TPD52: variants seen among roughly 807,000 people sequenced by gnomAD.
TPD52 encodes tumor protein D52, also known as prostate and colon associated protein.
In TPD52, 17 loss-of-function variants were observed where a neutral mutation model predicts 31.3. That is an observed-to-expected ratio of 0.54 (90% confidence interval 0.37 to 0.82). The LOEUF is 0.82. TPD52 is among the 40% of genes least tolerant of loss of function. The probability of loss-of-function intolerance (pLI) is 0.00; values close to 1 mark genes in which losing one functional copy is unlikely to be tolerated. For synonymous variants in TPD52, 83 were observed against 89.6 expected, an observed-to-expected ratio of 0.93 and a Z score of 0.42; for missense variants, 212 against 240.1, an observed-to-expected ratio of 0.88 and a Z score of 0.77.
At chr8:80,120,812 G>A (rs1808211224) in intron 1 of TPD52, among the ~76,000 whole-genome samples, 1 of 152,142 alleles carries the variant, frequency 6.6e-6, no homozygotes, top group African/African-American at 2.4e-5. Context: ...GGACGGGGTG[G>A]TTCAGGCCTG....
At chr8:80,057,785 C>T (rs1351607566) in intron 2 of TPD52, among the ~76,000 whole-genome samples, 4 of 152,062 alleles carry the variant, frequency 2.6e-5, no homozygotes, top group African/African-American at 9.7e-5. Flanking sequence ...CAAACCCGCA[C>T]ATGTACCCCC....
chr8:80,105,065 A>G (rs918510833), intron 1 of TPD52, among the ~76,000 whole-genome samples: 2 of 152,180 alleles, frequency 1.3e-5, no homozygotes, highest in Admixed American at 1.3e-4. Flanking sequence ...TCTCAAAAAA[A>G]TAAAAAATAA....
At chr8:80,113,450 A>G (rs1807645261) in intron 1 of TPD52, among the ~76,000 whole-genome samples, 1 of 152,224 alleles carries the variant, frequency 6.6e-6, no homozygotes, top group Non-Finnish European at 1.5e-5. Flanking sequence ...AGGAATGGAA[A>G]TCAGTATTTC....
chr8:80,105,874 G>A (rs967515112), intron 1 of TPD52, among the ~76,000 whole-genome samples: 1 of 151,962 alleles, frequency 6.6e-6, no homozygotes, highest in African/African-American at 2.4e-5. Flanking sequence ...TGGGATTATA[G>A]GTGCTCACCA....
In TPD52 at chr8:80,149,514, T is replaced by C. The variant is rs149167872; in HGVS notation, c.19+21911A>G. Among the ~76,000 whole-genome samples the C allele has an allele frequency of 9.8e-4, 149 of 152,344 alleles. 2 individuals carry two copies. Among genetic ancestry groups the C allele is most frequent in the African/African-American group, 3.5e-3 (146 of 41,574 alleles). On this transcript the variant is annotated intron_variant, in intron 1 of 7. Coordinates refer to ENST00000518937, the MANE Select transcript of TPD52 (RefSeq NM_001025253.3). ...TATAGTGAGGTGCTGCTTGTAAAGA[T>C]ACCCAAGAATGTGGAAGTAACTTTG...
At chr8:80,103,724 T>C (rs778110185) in intron 1 of TPD52, among the ~76,000 whole-genome samples, 34 of 152,234 alleles carry the variant, frequency 2.2e-4, no homozygotes, top group Non-Finnish European at 4.0e-4. Flanking sequence ...CATTTTAACA[T>C]TTCTGCTCCA....
At chr8:80,147,578 T>C (rs1299761782) in intron 1 of TPD52, among the ~76,000 whole-genome samples, 2 of 152,224 alleles carry the variant, frequency 1.3e-5, no homozygotes, top group Non-Finnish European at 2.9e-5. Flanking sequence ...GCATAGTCTT[T>C]TGCTGTCCTG....
intron 6 of TPD52, 129 bp from the exon 7 acceptor site, chr8:80,042,797 A>G: frequency 1.3e-6 from 1 of 741,846 alleles, no homozygotes; most frequent in Non-Finnish European, 2.1e-6. Flanking sequence ...AATCTGTACC[A>G]TATATGTGCA....
At chr8:80,169,573 C>G (rs1021094214) in intron 1 of TPD52, among the ~76,000 whole-genome samples, 1 of 152,216 alleles carries the variant, frequency 6.6e-6, no homozygotes, top group Non-Finnish European at 1.5e-5. Flanking sequence ...ACTACTAAAA[C>G]TAGTTACTCC....
chr8:80,129,787 C>T (rs1485234553), intron 1 of TPD52, among the ~76,000 whole-genome samples: 1 of 151,432 alleles, frequency 6.6e-6, no homozygotes, highest in Non-Finnish European at 1.5e-5. Flanking sequence ...GAAACCTCCA[C>T]CTCCCAGGTT....
At chr8:80,066,033 G>A (rs1416439963) in intron 1 of TPD52, among the ~76,000 whole-genome samples, 2 of 148,520 alleles carry the variant, frequency 1.3e-5, no homozygotes, top group East Asian at 4.0e-4. Flanking sequence ...GTTGTTCCCT[G>A]CTACCCCCCA....
Position 80,037,787 on chromosome 8 carries a change from G to C in TPD52, c.*329C>G, listed in dbSNP as rs1034354071. On this transcript the variant is annotated 3_prime_UTR_variant, in exon 8 of 8. Transcript: ENST00000518937. ...AGACAAAGGTCAAACTGGCATTCCA[G>C]ATCTGGAGCAATTTTGTAAAGCAGG... 1 of 192,240 alleles carries C rather than the reference G, an allele frequency of 5.2e-6. No individual in the cohort carries two copies. The highest frequency in any genetic ancestry group is 1.1e-5 in the Non-Finnish European group (1 of 94,612). 11.9% of individuals were successfully genotyped at this position (192,240 alleles called of 1,614,324 possible). A position where few individuals can be genotyped will look rare whatever the true frequency, so the allele number is the denominator to read the frequency against.
chr8:80,141,729 G>A (rs1200124745), intron 1 of TPD52, among the ~76,000 whole-genome samples: 1 of 152,090 alleles, frequency 6.6e-6, no homozygotes, highest in African/African-American at 2.4e-5. Context: ...GGCCAACATG[G>A]TGAAATCCCG....
At chr8:80,049,842 T>C (rs1811190312) in intron 5 of TPD52, among the ~76,000 whole-genome samples, 1 of 152,150 alleles carries the variant, frequency 6.6e-6, no homozygotes, top group South Asian at 2.1e-4. Context: ...TTGCCTTGTG[T>C]ACATAAAGAA....
downstream of TPD52, among the ~76,000 whole-genome samples, chr8:80,031,679 G>C (rs1809698185): frequency 6.6e-6 from 1 of 152,088 alleles, no homozygotes; most frequent in African/African-American, 2.4e-5. Context: ...GCCATAGCAA[G>C]AACCAGTCTC....
intron 1 of TPD52, among the ~76,000 whole-genome samples, chr8:80,107,053 A>G (rs1361085135): frequency 6.6e-6 from 1 of 151,722 alleles, no homozygotes; most frequent in African/African-American, 2.4e-5. Context: ...GGGTTTCACC[A>G]TGTTACCTAG....
At chr8:80,128,115 C>T (rs2131067580) in intron 1 of TPD52, among the ~76,000 whole-genome samples, 1 of 152,128 alleles carries the variant, frequency 6.6e-6, no homozygotes, top group East Asian at 1.9e-4. Context: ...TATCACATTA[C>T]TAAGTAAACA....
intron 1 of TPD52, among the ~76,000 whole-genome samples, chr8:80,093,901 A>G (rs1162036203): frequency 6.6e-6 from 1 of 152,162 alleles, no homozygotes; most frequent in Non-Finnish European, 1.5e-5. Context: ...TAAACTCAAT[A>G]GTAGCCCATT....
At chr8:80,031,289 C>G (rs1458009934), downstream of TPD52, among the ~76,000 whole-genome samples, 1 of 152,174 alleles carries the variant, frequency 6.6e-6, no homozygotes, top group Non-Finnish European at 1.5e-5. Context: ...TCTAATGGTA[C>G]AGATAGTGTT....
Sources: gnomAD v4.1 joint callset for allele counts (sites outside exome capture counted in the v4.1 genomes callset) on GRCh38, gnomAD v4.1.1 for gene constraint, MANE v1.5 for transcripts, NCBI Gene and HGNC (gene_info 2026-07-23, HGNC 2026-07-21) for gene names.